The following PREX2 variants were observed in gnomAD, a reference collection of about 807,000 sequenced individuals.
PREX2 encodes the protein phosphatidylinositol 3,4,5-trisphosphate-dependent Rac exchanger 2 protein.
A neutral mutation model predicts 203.2 loss-of-function variants in PREX2; 107 were observed. The ratio of observed to expected loss-of-function variants is 0.53; its 90% confidence interval spans 0.45 to 0.62. The LOEUF (loss-of-function observed/expected upper bound fraction) is 0.62, where lower values mean the gene tolerates loss of function less well. PREX2 is among the 20% of genes least tolerant of loss of function. The pLI, the probability that PREX2 is intolerant of heterozygous loss-of-function variation, is 0.00. For synonymous variants in PREX2, 672 were observed against 663.6 expected, an observed-to-expected ratio of 1.01 and a Z score of -0.19; for missense variants, 1,777 against 1,955.9, an observed-to-expected ratio of 0.91 and a Z score of 1.72.
chr8:68,004,917 T>C (rs1279117946), intron 1 of PREX2, among the ~76,000 whole-genome samples: 1 of 152,218 alleles, frequency 6.6e-6, no homozygotes, highest in East Asian at 1.9e-4. Context: ...GAAGGGGAGA[T>C]TTTAATGAAG....
chr8:68,055,901 A>T lies in PREX2; in HGVS notation c.1165A>T (p.Met389Leu). Residue 389 changes from methionine (M) to leucine (L), a missense_variant, in exon 10 of 40, where the codon ATG becomes TTG. Transcript: ENST00000288368. ...ACAGGGTGAGAAACTTTATAAAATG[A>T]TGTGCAGACAAGGAAATCTGATCAA... is the stretch of plus-strand genomic sequence containing the variant. ...SEQGEKLYKM[M>L]CRQGNLIKDR... 6.2e-7 allele frequency: 1 copy of T among 1,613,140 alleles called. No individual in the cohort carries two copies. Among genetic ancestry groups the T allele is most frequent in the East Asian group, 2.2e-5 (1 of 44,872 alleles).
At chr8:68,125,706 A>T (rs1037885822) in intron 30 of PREX2, among the ~76,000 whole-genome samples, 1 of 152,124 alleles carries the variant, frequency 6.6e-6, no homozygotes. Context: ...TTATTAGTGA[A>T]CACATTTTCA....
At chr8:68,149,813 T>C (rs1321967789) in intron 34 of PREX2, among the ~76,000 whole-genome samples, 2 of 152,188 alleles carry the variant, frequency 1.3e-5, no homozygotes, top group Non-Finnish European at 2.9e-5. Context: ...CAGGTGATTC[T>C]GGAGTCCACC....
intron 22 of PREX2, among the ~76,000 whole-genome samples, chr8:68,098,856 C>T (rs1810166512): frequency 6.7e-6 from 1 of 149,898 alleles, no homozygotes; most frequent in Non-Finnish European, 1.5e-5. Context: ...TTTTATGTTT[C>T]ACAGAATATT....
chr8:67,952,830 C>T (rs999196459), intron 1 of PREX2: 1 of 498,162 alleles, frequency 2.0e-6, no homozygotes, highest in African/African-American at 2.0e-5. Flanking sequence ...GCCCTATCTT[C>T]CCTCACTTTT....
At chr8:67,975,132 C>G (rs1336768638) in intron 1 of PREX2, among the ~76,000 whole-genome samples, 1 of 152,112 alleles carries the variant, frequency 6.6e-6, no homozygotes, top group South Asian at 2.1e-4. Context: ...TTATTTTGTC[C>G]CTCGCTTTCT....
At chr8:68,197,856 C>CT (rs903101567) in intron 37 of PREX2, among the ~76,000 whole-genome samples, 5 of 150,048 alleles carry the variant, frequency 3.3e-5, no homozygotes, top group South Asian at 2.1e-4. Context: ...TTCTTATTCT[C>CT]TTTTTTTTGC....
intron 35 of PREX2, among the ~76,000 whole-genome samples, chr8:68,182,705 A>G (rs916464020): frequency 2.6e-5 from 4 of 151,992 alleles, no homozygotes; most frequent in Admixed American, 1.3e-4. Flanking sequence ...ATTAAGAAGT[A>G]TTAGGTACAT....
chr8:68,136,601 C>T (rs1190852414), intron 32 of PREX2, among the ~76,000 whole-genome samples: 1 of 152,172 alleles, frequency 6.6e-6, no homozygotes, highest in Admixed American at 6.5e-5. Flanking sequence ...CCGGAAAATG[C>T]ACTGATTCTT....
intron 37 of PREX2, among the ~76,000 whole-genome samples, chr8:68,204,807 G>GAGT (rs1812582055): frequency 6.9e-6 from 1 of 144,250 alleles, no homozygotes; most frequent in Non-Finnish European, 1.5e-5. Flanking sequence ...TCAGCCTCCC[G>GAGT]AGTAGCTGGG....
chr8:67,957,376 A>G (rs1403522207), intron 1 of PREX2, among the ~76,000 whole-genome samples: 2 of 152,156 alleles, frequency 1.3e-5, no homozygotes, highest in East Asian at 3.9e-4. Context: ...TAATATATGC[A>G]TGTCTCTTAG....
chr8:67,988,550 T>C (rs1806503709), intron 1 of PREX2, among the ~76,000 whole-genome samples: 1 of 152,194 alleles, frequency 6.6e-6, no homozygotes, highest in Admixed American at 6.5e-5. Context: ...TACCTGACTC[T>C]TCTCTTTCAT....
chr8:68,060,424 C>T (rs1007618209), intron 10 of PREX2, among the ~76,000 whole-genome samples: 1 of 152,156 alleles, frequency 6.6e-6, no homozygotes, highest in African/African-American at 2.4e-5. Context: ...TTAGAGGCCT[C>T]AACAAGTTGA....
intron 1 of PREX2, among the ~76,000 whole-genome samples, chr8:67,987,462 A>G (rs553759477): frequency 6.6e-6 from 1 of 152,174 alleles, no homozygotes; most frequent in South Asian, 2.1e-4. Context: ...GGGGAGATTG[A>G]TGTGCACTGG....
chr8:68,181,425 C>G (rs1053575091), intron 35 of PREX2, among the ~76,000 whole-genome samples: 1 of 152,128 alleles, frequency 6.6e-6, no homozygotes, highest in Non-Finnish European at 1.5e-5. Flanking sequence ...GAGACTCATT[C>G]CTGAATTGTC....
In PREX2 at chr8:68,104,858, A is replaced by G. The variant is rs545285215; in HGVS notation, c.2716-3251A>G. ...CAGTAAGTTTGGGCTTGTGGTATCC[A>G]TAGTAGATCTAAAGTCCTGTCCCTC... On this transcript the variant is annotated intron_variant, in intron 23 of 39. Coordinates refer to ENST00000288368, the MANE Select transcript of PREX2 (RefSeq NM_024870.4). Among the ~76,000 whole-genome samples the G allele has an allele frequency of 2.6e-5, 4 of 152,280 alleles. No individual in the cohort carries two copies. The East Asian group carries it at 5.8e-4, about 22-fold the overall frequency.
chr8:67,990,009 A>G (rs1806551011), intron 1 of PREX2, among the ~76,000 whole-genome samples: 1 of 151,568 alleles, frequency 6.6e-6, no homozygotes, highest in African/African-American at 2.4e-5. Flanking sequence ...TTTTTTCAAG[A>G]CAGTCTCGCT....
chr8:67,989,820 A>G (rs1384579115), intron 1 of PREX2, among the ~76,000 whole-genome samples: 2 of 152,240 alleles, frequency 1.3e-5, no homozygotes, highest in African/African-American at 4.8e-5. Flanking sequence ...ACTTGAAGAA[A>G]TGTCACATTT....
chr8:68,152,687 C>T (rs1811466351), intron 34 of PREX2, among the ~76,000 whole-genome samples: 1 of 152,094 alleles, frequency 6.6e-6, no homozygotes, highest in African/African-American at 2.4e-5. Flanking sequence ...GACTGAGGCA[C>T]AAGGAAGGCC....
Sources: allele counts gnomAD v4.1 joint callset (sites outside exome capture counted in the v4.1 genomes callset), GRCh38; gene constraint gnomAD v4.1.1; transcripts MANE v1.5; gene names NCBI Gene and HGNC (gene_info 2026-07-23, HGNC 2026-07-21).